The following CADPS variants were observed in gnomAD, a reference collection of about 807,000 sequenced individuals.
CADPS encodes calcium dependent secretion activator, also known as calcium-dependent secretion activator 1.
In CADPS, 57 loss-of-function variants were observed where a neutral mutation model predicts 167.3. The ratio of observed to expected loss-of-function variants is 0.34; its 90% CI spans 0.28 to 0.42. The LOEUF (loss-of-function observed/expected upper bound fraction) is 0.42, where lower values mean the gene tolerates loss of function less well. Among genes scored for constraint, CADPS ranks in the 20% least tolerant of loss-of-function variants. The pLI is 1.00. For synonymous variants in CADPS, 676 were observed against 635.3 expected, an observed-to-expected ratio of 1.06 and a Z score of -0.96; for missense variants, 1,414 against 1,738.1, an observed-to-expected ratio of 0.81 and a Z score of 3.32.
intron 27 of CADPS, chr3:62,440,164 G>A (rs912580871): frequency 6.6e-6 from 1 of 152,076 alleles, no homozygotes; most frequent in Admixed American, 6.5e-5. Flanking sequence ...CATATAGTAG[G>A]GGCCCAGTAA....
intron 24 of CADPS, among the ~76,000 whole-genome samples, chr3:62,467,538 C>T (rs1322129739): frequency 6.6e-6 from 1 of 152,098 alleles, no homozygotes; most frequent in African/African-American, 2.4e-5. Context: ...CATTTAGAAT[C>T]ATAGGCGAGG....
chr3:62,806,037 T>C (rs2094071351), intron 1 of CADPS, among the ~76,000 whole-genome samples: 1 of 152,138 alleles, frequency 6.6e-6, no homozygotes. Context: ...CTGTCCAACC[T>C]TCTTTAAATA....
intron 21 of CADPS, 109 bp downstream of exon 21, chr3:62,491,226 TTCTC>T: frequency 2.5e-6 from 3 of 1,178,938 alleles, no homozygotes; most frequent in South Asian, 1.5e-5. Context: ...TGTATGGTGT[TTCTC>T]TCTGTCCACA....
intron 1 of CADPS, among the ~76,000 whole-genome samples, chr3:62,872,640 T>C (rs1370972534): frequency 1.3e-5 from 2 of 152,152 alleles, no homozygotes; most frequent in South Asian, 2.1e-4. Context: ...AGGTAAAGCA[T>C]ACAATCAGAT....
At chr3:62,671,441 G>C (rs767739352) in intron 3 of CADPS, among the ~76,000 whole-genome samples, 2 of 152,180 alleles carry the variant, frequency 1.3e-5, no homozygotes, top group Non-Finnish European at 2.9e-5. Context: ...CAAGGGTATA[G>C]AGGAAGCAGG....
chr3:62,594,561 T>C (rs185920706), intron 6 of CADPS, among the ~76,000 whole-genome samples: 7 of 152,316 alleles, frequency 4.6e-5, no homozygotes, highest in Non-Finnish European at 8.8e-5. Flanking sequence ...GAACATTAAT[T>C]TTGTTTTGTT....
intron 26 of CADPS, among the ~76,000 whole-genome samples, chr3:62,449,124 G>T (rs1288133644): frequency 6.6e-6 from 1 of 152,162 alleles, no homozygotes; most frequent in Non-Finnish European, 1.5e-5. Flanking sequence ...GAATCAGAAT[G>T]AATGTGTAAA....
intron 1 of CADPS, among the ~76,000 whole-genome samples, chr3:62,869,836 T>C (rs180762010): frequency 6.6e-5 from 10 of 152,268 alleles, no homozygotes; most frequent in Admixed American, 4.6e-4. Context: ...TTAAGTTTTA[T>C]AGACACCTGT....
rs1047277803 is a variant in CADPS at position 62,641,829 on chromosome 3, A to C, written c.1325+3893T>G. On this transcript the variant is annotated intron_variant, in intron 6 of 29. Coordinates refer to ENST00000383710, the MANE Select transcript of CADPS (RefSeq NM_003716.4). Reference sequence around the variant, plus strand: ...AACTGAAGGATAAGTATGGGCCACAATTTAGCTGAGAGTATAAGAGGCTGC... The same window carrying C: ...AACTGAAGGATAAGTATGGGCCACACTTTAGCTGAGAGTATAAGAGGCTGC... 1.3e-5 allele frequency among the ~76,000 whole-genome samples: 2 copies of C among 151,910 alleles called. 1 individual carries two copies. Among genetic ancestry groups the C allele is most frequent in the South Asian group, 4.2e-4 (2 of 4,818 alleles).
At chr3:62,774,236 A>C (rs1380546256) in intron 1 of CADPS, among the ~76,000 whole-genome samples, 1 of 152,190 alleles carries the variant, frequency 6.6e-6, no homozygotes, top group East Asian at 1.9e-4. Flanking sequence ...CAAAGCTCTT[A>C]AAAGGTGTTC....
At chr3:62,737,133 A>G (rs11130897) in intron 3 of CADPS, among the ~76,000 whole-genome samples, 12,194 of 151,814 alleles carry the variant, frequency 0.08, 618 homozygotes, top group Non-Finnish European at 0.11. Context: ...GAGAGACTCC[A>G]TCTAAAAAAA....
At position 62,872,368 on chromosome 3, in the gene CADPS, A is replaced by G. The variant is rs150832672; in HGVS notation, c.441+2221T>C. Among the ~76,000 whole-genome samples the G allele has an allele frequency of 2.8e-3, 430 of 152,306 alleles. 2 individuals carry two copies. Among genetic ancestry groups the G allele is most frequent in the African/African-American group, 9.1e-3 (378 of 41,572 alleles). The stretch of plus-strand genomic sequence containing the variant: ...AGAAAGGCATTAAAAACTTACAGAT[A>G]TAGCAGTGAAAAAGCTTCTTTTTGT... On this transcript the variant is annotated intron_variant, in intron 1 of 29. Transcript: ENST00000383710.
intron 11 of CADPS, among the ~76,000 whole-genome samples, chr3:62,548,144 C>T (rs762513826): frequency 2.6e-5 from 4 of 151,786 alleles, no homozygotes; most frequent in South Asian, 2.1e-4. Flanking sequence ...CAAGAGGTTA[C>T]GATAGGATGT....
chr3:62,423,678 C>T (rs1201282367), intron 28 of CADPS, among the ~76,000 whole-genome samples: 1 of 152,184 alleles, frequency 6.6e-6, no homozygotes, highest in African/African-American at 2.4e-5. Flanking sequence ...TAAAAACCTA[C>T]CTCACAAGGA....
intron 6 of CADPS, among the ~76,000 whole-genome samples, chr3:62,641,570 G>C (rs2067421807): frequency 6.6e-6 from 1 of 152,118 alleles, no homozygotes; most frequent in African/African-American, 2.4e-5. Context: ...TGAGGCTGCT[G>C]ATCTAATGGC....
At chr3:62,567,395 G>C in intron 9 of CADPS, among the ~76,000 whole-genome samples, 1 of 151,676 alleles carries the variant, frequency 6.6e-6, no homozygotes, top group East Asian at 1.9e-4. Context: ...GCGTGTGGTG[G>C]AGGAAAGAGG....
chr3:62,702,903 C>A (rs1376185600), intron 3 of CADPS, among the ~76,000 whole-genome samples: 2 of 152,048 alleles, frequency 1.3e-5, no homozygotes, highest in East Asian at 3.9e-4. Context: ...TGATCCCATG[C>A]AGTTAGGTAT....
chr3:62,600,455 A>G (rs966570009), intron 6 of CADPS, among the ~76,000 whole-genome samples: 1 of 152,194 alleles, frequency 6.6e-6, no homozygotes, highest in Non-Finnish European at 1.5e-5. Flanking sequence ...AGGAATGTGT[A>G]TTGGGACATG....
chr3:62,840,463 C>T (rs1235915786), intron 1 of CADPS, among the ~76,000 whole-genome samples: 2 of 152,100 alleles, frequency 1.3e-5, no homozygotes. Context: ...TACTTTCAAT[C>T]ATATAAATGA....
Sources: allele counts gnomAD v4.1 joint callset (sites outside exome capture counted in the v4.1 genomes callset), GRCh38; gene constraint gnomAD v4.1.1; transcripts MANE v1.5; gene names NCBI Gene and HGNC (gene_info 2026-07-23, HGNC 2026-07-21).